The following ST7L variants were observed in gnomAD, a reference collection of about 807,000 sequenced individuals.
ST7L encodes the protein suppression of tumorigenicity 7 like.
Under a neutral mutation model 72.5 loss-of-function variants are expected in ST7L, and 57 were observed. The ratio of observed to expected loss-of-function variants is 0.79; its 90% CI spans 0.64 to 0.98. The LOEUF is 0.98. ST7L is among the 50% of genes least tolerant of loss of function. The pLI is 0.00. For missense variants in ST7L, 576 were observed against 672.2 expected (o/e 0.86, Z 1.58); for synonymous variants, 221 against 240.9 (o/e 0.92, Z 0.77).
intron 14 of ST7L, chr1:112,527,781 G>C (rs1407751185): frequency 6.6e-6 from 1 of 152,250 alleles, no homozygotes; most frequent in Non-Finnish European, 1.5e-5. Context: ...CCCAATTGTA[G>C]GGATCTATTC....
At chr1:112,533,911 C>A (rs553264516) in intron 14 of ST7L, among the ~76,000 whole-genome samples, 177 of 151,506 alleles carry the variant, frequency 1.2e-3, no homozygotes, top group African/African-American at 3.9e-3. Flanking sequence ...AACTCCTGGG[C>A]TCAAGCAATC....
intron 6 of ST7L, among the ~76,000 whole-genome samples, chr1:112,585,223 A>C (rs1407768772): frequency 6.6e-6 from 1 of 152,230 alleles, no homozygotes; most frequent in Non-Finnish European, 1.5e-5. Context: ...AGAAATAACA[A>C]ATCCATCTCT....
At chr1:112,596,924 A>C (rs1170243714) in intron 5 of ST7L, among the ~76,000 whole-genome samples, 3 of 152,218 alleles carry the variant, frequency 2.0e-5, no homozygotes, top group African/African-American at 7.2e-5. Flanking sequence ...GGCGTGAGCC[A>C]CCGCGCCCAG....
chr1:112,581,898 G>T, intron 9 of ST7L, 94 bp downstream of exon 9: 1 of 914,952 alleles, frequency 1.1e-6, no homozygotes, highest in Non-Finnish European at 1.7e-6. Context: ...GGTAAGAACA[G>T]AAAGAGAAAA....
intron 5 of ST7L, 34 bp from the exon 6 acceptor site, chr1:112,591,637 G>A (rs1344266598): frequency 3.9e-6 from 6 of 1,540,856 alleles, no homozygotes; most frequent in South Asian, 3.6e-5. Context: ...TAGATGAGAT[G>A]GTAAAAAAAT....
Position 112,540,837 on chromosome 1 carries a change from A to G in ST7L, c.1629+1114T>C, listed in dbSNP as rs374182204. On this transcript the variant is annotated intron_variant, in intron 14 of 14. Coordinates refer to ENST00000358039, the MANE Select transcript of ST7L (RefSeq NM_017744.5). ...GTTTTCATTTTTGGGAATATAATTA[A>G]TCAGCATTTTCTTTTTGGGTTTTAA... The G allele has an allele frequency of 1.3e-5, 17 of 1,289,068 alleles. No homozygotes were observed. In the South Asian group the frequency reaches 2.1e-4, roughly 16 times the overall value. 79.9% of individuals were successfully genotyped at this position (1,289,068 alleles called of 1,614,324 possible).
intron 9 of ST7L, 81 bp downstream of exon 9, chr1:112,581,911 A>G: frequency 1.0e-6 from 1 of 999,322 alleles, no homozygotes; most frequent in Non-Finnish European, 1.5e-6. Flanking sequence ...AGAGAAAATT[A>G]AATACTAGAA....
intron 5 of ST7L, among the ~76,000 whole-genome samples, chr1:112,595,883 T>C (rs115811067): frequency 0.02 from 3,067 of 152,318 alleles, 106 homozygotes; most frequent in African/African-American, 0.069. Context: ...AACTTAAAAA[T>C]GTGTGAAGGG....
chr1:112,566,540 G>T (rs934439727), intron 11 of ST7L, among the ~76,000 whole-genome samples: 3 of 151,780 alleles, frequency 2.0e-5, no homozygotes, highest in African/African-American at 7.3e-5. Flanking sequence ...CTCGTGATCC[G>T]CCCTCCTCAG....
At chr1:112,599,570 TG>T (rs1348802469) in intron 4 of ST7L, among the ~76,000 whole-genome samples, 1 of 152,154 alleles carries the variant, frequency 6.6e-6, no homozygotes, top group East Asian at 1.9e-4. Context: ...AGAAGAGAAA[TG>T]GACACAGTAG....
chr1:112,525,907 A>T lies in ST7L; in HGVS notation c.*106T>A. The T allele has an allele frequency of 6.7e-7, 1 of 1,490,012 alleles. No individual in the cohort carries two copies. Among genetic ancestry groups the T allele is most frequent in the Admixed American group, 2.1e-5 (1 of 48,070 alleles). 92.3% of individuals were successfully genotyped at this position (1,490,012 alleles called of 1,614,324 possible). ...TCATATGCAAAATGCTTTAGCATAT[A>T]TGTAATCCTCACAACAACCCTGTGA... On this transcript the variant is annotated 3_prime_UTR_variant, in exon 15 of 15. Coordinates refer to ENST00000358039, the MANE Select transcript of ST7L (RefSeq NM_017744.5).
At chr1:112,617,127 C>A in intron 1 of ST7L, 2 of 269,488 alleles carry the variant, frequency 7.4e-6, no homozygotes, top group Non-Finnish European at 1.4e-5. Flanking sequence ...AACTAAAGCA[C>A]TTATAAGTCA....
rs1190968815 is a variant in ST7L, at chr1:112,599,073, A to AAAAAAAAAAATATAT, written c.507-988_507-987insATATATTTTTTTTTT. Among the ~76,000 whole-genome samples, 38 of 56,992 alleles carry AAAAAAAAAAATATAT rather than the reference A, an allele frequency of 6.7e-4. 1 individual carries two copies. The highest frequency in any genetic ancestry group is 9.3e-4 in the Non-Finnish European group (30 of 32,402). 37.4% of individuals were successfully genotyped at this position (56,992 alleles called of 152,430 possible). Reference sequence around the variant, plus strand: ...AGACTCAGCCTCAAAAAAAAAAAAAAATATATATATATATATATATATATA... The same window carrying AAAAAAAAAAATATAT: ...AGACTCAGCCTCAAAAAAAAAAAAAAAAAAAAAAAATATATATATATATATATATATATATATATA... On this transcript the variant is annotated intron_variant, in intron 4 of 14. Transcript: ENST00000358039.
intron 13 of ST7L, among the ~76,000 whole-genome samples, 187 bp from the exon 14 acceptor site, chr1:112,542,277 T>C (rs1656228863): frequency 6.6e-6 from 1 of 152,196 alleles, no homozygotes; most frequent in African/African-American, 2.4e-5. Context: ...CATATCTAAA[T>C]AGCCAGACAA....
chr1:112,600,227 G>A (rs972105247), intron 4 of ST7L, among the ~76,000 whole-genome samples: 4 of 151,900 alleles, frequency 2.6e-5, no homozygotes, highest in Non-Finnish European at 5.9e-5. Flanking sequence ...TAGTAGAGAC[G>A]GGGTTTCACC....
At chr1:112,619,675 C>G (rs1670510471), upstream of ST7L, 8 of 595,484 alleles carry the variant, frequency 1.3e-5, no homozygotes, top group Non-Finnish European at 2.1e-5. Flanking sequence ...GGGGCGCGGG[C>G]GCGGGCGCTG....
chr1:112,594,486 C>G (rs111718525), intron 5 of ST7L, among the ~76,000 whole-genome samples: 1 of 152,148 alleles, frequency 6.6e-6, no homozygotes, highest in South Asian at 2.1e-4. Flanking sequence ...TCTATTAGCA[C>G]CCCTCCCTAC....
At chr1:112,558,377 A>G (rs183370701) in intron 11 of ST7L, among the ~76,000 whole-genome samples, 2 of 152,352 alleles carry the variant, frequency 1.3e-5, no homozygotes, top group African/African-American at 4.8e-5. Flanking sequence ...AGACTCTAGG[A>G]AGACTCTTAA....
intron 3 of ST7L, among the ~76,000 whole-genome samples, chr1:112,601,935 G>A (rs138676725): frequency 0.02 from 3,065 of 152,032 alleles, 106 homozygotes; most frequent in African/African-American, 0.069. Flanking sequence ...AAAATTAGCT[G>A]GGCATGGTGG....
Sources: allele counts gnomAD v4.1 joint callset (sites outside exome capture counted in the v4.1 genomes callset), GRCh38; gene constraint gnomAD v4.1.1; transcripts MANE v1.5; gene names NCBI Gene and HGNC (gene_info 2026-07-23, HGNC 2026-07-21).